NRXN3: variants seen among roughly 807,000 people sequenced by gnomAD.
The protein encoded by NRXN3 is neurexin III.
NRXN3 carries 32 observed loss-of-function variants against 137.6 expected under a neutral mutation model. The ratio of observed to expected loss-of-function variants is 0.23; its 90% CI spans 0.18 to 0.31. The LOEUF (loss-of-function observed/expected upper bound fraction) is 0.31, where lower values mean the gene tolerates loss of function less well. Ranked by LOEUF, NRXN3 falls within the 10% of genes least tolerant of loss-of-function variation. NRXN3 has a pLI of 1.00. For synonymous variants in NRXN3, 798 were observed against 784.5 expected, an observed-to-expected ratio of 1.02 and a Z score of -0.29; for missense variants, 1,574 against 2,062.5, an observed-to-expected ratio of 0.76 and a Z score of 4.59.
chr14:79,328,516 G>A (rs942390361), intron 15 of NRXN3, among the ~76,000 whole-genome samples: 2 of 152,124 alleles, frequency 1.3e-5, no homozygotes, highest in African/African-American at 2.4e-5. Flanking sequence ...AAGCAATAAC[G>A]AAGTGCCATG....
chr14:79,601,593 C>T (rs1233584871), intron 16 of NRXN3, among the ~76,000 whole-genome samples: 2 of 152,158 alleles, frequency 1.3e-5, no homozygotes, highest in East Asian at 1.9e-4. Flanking sequence ...ATGCTGACCC[C>T]TCATTCTCTA....
intron 15 of NRXN3, among the ~76,000 whole-genome samples, chr14:79,421,337 C>A (rs897168627): frequency 3.9e-5 from 6 of 152,290 alleles, no homozygotes; most frequent in Non-Finnish European, 8.8e-5. Flanking sequence ...GAGAAACTTT[C>A]TTCTGTGGGC....
chr14:79,727,494 A>G (rs1454574980), intron 19 of NRXN3, among the ~76,000 whole-genome samples: 1 of 152,184 alleles, frequency 6.6e-6, no homozygotes, highest in Non-Finnish European at 1.5e-5. Context: ...ACTTCAGGGT[A>G]GAAGGAGAGT....
At chr14:78,731,825 C>G (rs552279191) in intron 8 of NRXN3, among the ~76,000 whole-genome samples, 2 of 151,032 alleles carry the variant, frequency 1.3e-5, no homozygotes, top group African/African-American at 4.9e-5. Flanking sequence ...ATAATTATAC[C>G]ATAATTTCAA....
At chr14:78,984,733 A>G (rs1253503891) in intron 14 of NRXN3, among the ~76,000 whole-genome samples, 1 of 152,156 alleles carries the variant, frequency 6.6e-6, no homozygotes, top group East Asian at 1.9e-4. Flanking sequence ...TTTTTCTCAT[A>G]AGCTTCCAGG....
chr14:78,361,330 A>G (rs1269692208), intron 4 of NRXN3, among the ~76,000 whole-genome samples: 3 of 152,218 alleles, frequency 2.0e-5, no homozygotes, highest in Non-Finnish European at 2.9e-5. Flanking sequence ...AAGACATAAG[A>G]TTCCATATTG....
At chr14:79,453,507 C>A (rs941143661) in intron 15 of NRXN3, among the ~76,000 whole-genome samples, 1 of 152,078 alleles carries the variant, frequency 6.6e-6, no homozygotes, top group Non-Finnish European at 1.5e-5. Context: ...TTGGTCAAAT[C>A]GATTTACATA....
At chr14:79,036,638 A>C (rs1243849761) in intron 15 of NRXN3, among the ~76,000 whole-genome samples, 1 of 138,020 alleles carries the variant, frequency 7.2e-6, no homozygotes, top group Non-Finnish European at 1.5e-5. Flanking sequence ...AGGAAGTTAC[A>C]ACAAGGAGCA....
At chr14:78,921,696 C>T (rs2099271309) in intron 10 of NRXN3, among the ~76,000 whole-genome samples, 1 of 152,166 alleles carries the variant, frequency 6.6e-6, no homozygotes, top group Non-Finnish European at 1.5e-5. Flanking sequence ...CTAGGTTATA[C>T]AGCTCATGGA....
At chr14:79,055,070 TG>T (rs1302644133) in intron 15 of NRXN3, among the ~76,000 whole-genome samples, 7 of 152,302 alleles carry the variant, frequency 4.6e-5, no homozygotes, top group South Asian at 4.1e-4. Flanking sequence ...CCCACTACTG[TG>T]GCTTACTCTG....
intron 10 of NRXN3, among the ~76,000 whole-genome samples, chr14:78,847,744 A>G (rs1489851503): frequency 6.6e-6 from 1 of 152,116 alleles, no homozygotes; most frequent in African/African-American, 2.4e-5. Flanking sequence ...CCACTATCAA[A>G]AATAATCATA....
intron 1 of NRXN3, among the ~76,000 whole-genome samples, chr14:78,235,878 G>A (rs1004411969): frequency 4.6e-5 from 7 of 152,142 alleles, no homozygotes; most frequent in Admixed American, 4.6e-4. Context: ...ATGGGAGAGA[G>A]GACTAGGGTA....
At chr14:78,529,565 C>A (rs1292166932) in intron 4 of NRXN3, among the ~76,000 whole-genome samples, 12 of 152,172 alleles carry the variant, frequency 7.9e-5, no homozygotes, top group Non-Finnish European at 1.8e-4. Flanking sequence ...ATCCATAGAA[C>A]CTCCTTGATT....
At chr14:79,029,886 AC>A (rs1406401726) in intron 15 of NRXN3, among the ~76,000 whole-genome samples, 1 of 151,482 alleles carries the variant, frequency 6.6e-6, no homozygotes, top group Non-Finnish European at 1.5e-5. Flanking sequence ...CATTTTTTTC[AC>A]CCAGGCCTGA....
intron 15 of NRXN3, among the ~76,000 whole-genome samples, chr14:79,059,884 C>T (rs918865927): frequency 4.6e-5 from 7 of 152,178 alleles, no homozygotes; most frequent in African/African-American, 1.4e-4. Context: ...TCCCATCTCT[C>T]GAATCAGACA....
At chr14:79,454,120 T>C (rs1252392552) in intron 15 of NRXN3, among the ~76,000 whole-genome samples, 1 of 152,116 alleles carries the variant, frequency 6.6e-6, no homozygotes, top group Non-Finnish European at 1.5e-5. Context: ...AGTCTCGCTC[T>C]GTCACCAGGC....
intron 16 of NRXN3, among the ~76,000 whole-genome samples, chr14:79,547,562 A>G (rs769506636): frequency 6.6e-6 from 1 of 152,188 alleles, no homozygotes; most frequent in Non-Finnish European, 1.5e-5. Context: ...TTGTTTCTTC[A>G]TTCCAGGTCT....
intron 15 of NRXN3, among the ~76,000 whole-genome samples, chr14:79,261,462 T>A (rs186010898): frequency 6.6e-6 from 1 of 151,982 alleles, no homozygotes; most frequent in Non-Finnish European, 1.5e-5. Flanking sequence ...GACTTGAAGA[T>A]GAGGGGACGT....
intron 10 of NRXN3, among the ~76,000 whole-genome samples, chr14:78,822,195 C>T (rs1327717379): frequency 6.6e-6 from 1 of 152,134 alleles, no homozygotes; most frequent in Non-Finnish European, 1.5e-5. Context: ...AAACATTTGA[C>T]AGTCTTTGCT....
Sources: gnomAD v4.1 joint callset for allele counts (sites outside exome capture counted in the v4.1 genomes callset) on GRCh38, gnomAD v4.1.1 for gene constraint, MANE v1.5 for transcripts, NCBI Gene and HGNC (gene_info 2026-07-23, HGNC 2026-07-21) for gene names.